ERN1: variants seen among roughly 807,000 people sequenced by gnomAD.
ERN1 encodes endoplasmic reticulum to nucleus signaling 1.
ERN1 carries 39 observed loss-of-function variants against 113.1 expected under a neutral mutation model. The ratio of observed to expected loss-of-function variants is 0.34; its 90% CI spans 0.27 to 0.45. The LOEUF (loss-of-function observed/expected upper bound fraction) is 0.45. Among genes scored for constraint, ERN1 ranks in the 20% least tolerant of loss-of-function variants. The pLI, the probability that ERN1 is intolerant of heterozygous loss-of-function variation, is 1.00. For synonymous variants in ERN1, 507 were observed against 515.9 expected (o/e 0.98, Z 0.23); for missense variants, 976 against 1,274.8 (o/e 0.77, Z 3.57).
At chr17:64,080,751 T>C in intron 3 of ERN1, 24 bp downstream of exon 3, 5 of 1,605,280 alleles carry the variant, frequency 3.1e-6, no homozygotes. Context: ...TAAAGGGAAG[T>C]ACTGAGCGAA....
intron 1 of ERN1, chr17:64,102,571 T>G: frequency 1.2e-6 from 1 of 819,194 alleles, no homozygotes; most frequent in East Asian, 1.2e-4. Flanking sequence ...TTTAAAAGCA[T>G]GAACATGCCT....
chr17:64,114,141 A>G (rs1232096974), intron 1 of ERN1, among the ~76,000 whole-genome samples: 2 of 151,998 alleles, frequency 1.3e-5, no homozygotes, highest in East Asian at 3.8e-4. Context: ...AACGGGCCTA[A>G]TATACAGTAA....
chr17:64,102,435 G>A (rs531206082), intron 1 of ERN1, among the ~76,000 whole-genome samples: 1 of 152,276 alleles, frequency 6.6e-6, no homozygotes, highest in African/African-American at 2.4e-5. Flanking sequence ...TATTACAACT[G>A]GCAGGTTCTT....
rs1415896061 is a variant in ERN1, at chr17:64,119,381, T to G, written c.54+10595A>C. 8.5e-4 allele frequency among the ~76,000 whole-genome samples: 102 copies of G among 119,492 alleles called. 4 individuals are homozygous for G. The highest frequency in any genetic ancestry group is 3.1e-3 in the African/African-American group (69 of 22,222). The allele number at this position is 119,492 out of a possible 152,430, so 78.4% of individuals were successfully genotyped here. A position where few individuals can be genotyped will look rare whatever the true frequency, so the allele number is the denominator to read the frequency against. ...TTAGGTTCCTTTTTTTCTAGGTTTT[T>G]TTTTTTTTTTTTTTTTTTTTTTTTG... On this transcript the variant is annotated intron_variant, in intron 1 of 21. Coordinates refer to ENST00000433197, the MANE Select transcript of ERN1 (RefSeq NM_001433.5).
intron 8 of ERN1, among the ~76,000 whole-genome samples, chr17:64,065,946 C>T (rs905671484): frequency 4.6e-5 from 7 of 152,162 alleles, no homozygotes; most frequent in Admixed American, 2.6e-4. Flanking sequence ...TCATCCACTA[C>T]ATTATCTAAA....
intron 2 of ERN1, among the ~76,000 whole-genome samples, chr17:64,082,295 T>A (rs1252241765): frequency 6.6e-6 from 1 of 152,090 alleles, no homozygotes; most frequent in South Asian, 2.1e-4. Context: ...AGTAAGCACA[T>A]GTTTATCTTT....
At position 64,044,713 on chromosome 17, in the gene ERN1, A is replaced by G; in HGVS notation, c.2721+147T>C. 1 of 619,690 alleles carries G rather than the reference A, an allele frequency of 1.6e-6. No individual in the cohort carries two copies. The highest frequency in any genetic ancestry group is 2.8e-5 in the East Asian group (1 of 35,334). 38.4% of individuals were successfully genotyped at this position (619,690 alleles called of 1,614,324 possible). A position where few individuals can be genotyped will look rare whatever the true frequency, so the allele number is the denominator to read the frequency against. On this transcript the variant is annotated intron_variant, in intron 21 of 21. Transcript: ENST00000433197. The surrounding 1 kb of genome is among the most constrained non-coding windows in gnomAD (Gnocchi z 4.1). ...CAGCGTAAGAGAGGCAACAGCCTGC[A>G]GTTTGCCAAGTCCAGCTGAAGCCGC... is the stretch of plus-strand genomic sequence containing the variant.
intron 1 of ERN1, 123 bp downstream of exon 1, chr17:64,129,853 G>C: frequency 7.6e-6 from 7 of 915,476 alleles, no homozygotes; most frequent in South Asian, 3.2e-5. Context: ...CTGGGCTCAC[G>C]GGGCATCTGG....
chr17:64,042,291 C>T lies in ERN1; in HGVS notation c.*1697G>A, dbSNP rs1598039897. 2.0e-5 allele frequency: 3 copies of T among 151,898 alleles called. No individual in the cohort carries two copies. Among genetic ancestry groups the T allele is most frequent in the South Asian group, 4.1e-4 (2 of 4,824 alleles). 9.4% of individuals were successfully genotyped at this position (151,898 alleles called of 1,614,324 possible). Reference sequence around the variant, plus strand: ...GGTTCCAAGGCCTAAGTGAGGTAATCGATGAGATTTAAGGATGTAGGATCA... The same window carrying T: ...GGTTCCAAGGCCTAAGTGAGGTAATTGATGAGATTTAAGGATGTAGGATCA... On this transcript the variant is annotated 3_prime_UTR_variant, in exon 22 of 22. Coordinates refer to ENST00000433197, the MANE Select transcript of ERN1 (RefSeq NM_001433.5).
chr17:64,062,097 A>G (rs1913072929), intron 10 of ERN1, among the ~76,000 whole-genome samples: 1 of 152,264 alleles, frequency 6.6e-6, no homozygotes, highest in Admixed American at 6.5e-5. Context: ...GGTCTCCTTG[A>G]TGTATTCATC....
intron 12 of ERN1, 106 bp from the exon 13 acceptor site, chr17:64,056,054 G>A (rs1014546501): frequency 1.4e-6 from 2 of 1,440,746 alleles, no homozygotes; most frequent in African/African-American, 2.9e-5. Flanking sequence ...TGTACTTTAT[G>A]TGACCCAACA....
At chr17:64,085,538 T>G (rs1300487164) in intron 2 of ERN1, among the ~76,000 whole-genome samples, 1 of 152,138 alleles carries the variant, frequency 6.6e-6, no homozygotes, top group Non-Finnish European at 1.5e-5. Context: ...CCTCCATCAC[T>G]GGGAATCAAA....
rs752509828 is a variant in ERN1, at chr17:64,098,323, A to G, written c.55-82T>C. The G allele has an allele frequency of 3.9e-6, 6 of 1,520,204 alleles. No homozygotes were observed. The East Asian group carries it at 1.1e-4, about 29-fold the overall frequency. 94.2% of individuals were successfully genotyped at this position (1,520,204 alleles called of 1,614,324 possible). Reference sequence around the variant, plus strand: ...TACAATCACAGACCCCCCACTCCCAAGGTTATCCTACTAAAACCCTCCATT... The same window carrying G: ...TACAATCACAGACCCCCCACTCCCAGGGTTATCCTACTAAAACCCTCCATT... On this transcript the variant is annotated intron_variant, in intron 1 of 21. Coordinates refer to ENST00000433197, the MANE Select transcript of ERN1 (RefSeq NM_001433.5).
intron 1 of ERN1, among the ~76,000 whole-genome samples, chr17:64,113,282 T>C (rs759816927): frequency 4.6e-5 from 7 of 152,200 alleles, no homozygotes; most frequent in Admixed American, 1.3e-4. Flanking sequence ...CATATTGCCA[T>C]TGAATGAGAT....
Position 64,089,546 on chromosome 17 carries a change from A to C in ERN1, c.175+8575T>G, listed in dbSNP as rs553527910. On this transcript the variant is annotated intron_variant, in intron 2 of 21. Coordinates refer to ENST00000433197, the MANE Select transcript of ERN1 (RefSeq NM_001433.5). ...AAACCTAAAAAAATCCAAAATCAGA[A>C]ACACTTCAGGTCCCAAGCATTTCGG... Among the ~76,000 whole-genome samples the C allele has an allele frequency of 2.4e-4, 36 of 152,236 alleles. No homozygotes were observed. In the South Asian group the frequency reaches 7.5e-3, roughly 32 times the overall value.
intron 2 of ERN1, among the ~76,000 whole-genome samples, chr17:64,095,783 C>T (rs1385808048): frequency 6.6e-6 from 1 of 152,206 alleles, no homozygotes; most frequent in Non-Finnish European, 1.5e-5. Flanking sequence ...TACCTGGAAA[C>T]GCTAAGCTCC....
At chr17:64,118,457 A>T (rs1196840027) in intron 1 of ERN1, among the ~76,000 whole-genome samples, 1 of 152,204 alleles carries the variant, frequency 6.6e-6, no homozygotes, top group Admixed American at 6.5e-5. Flanking sequence ...GCCACTTGGG[A>T]TTTCCTTTAA....
intron 2 of ERN1, among the ~76,000 whole-genome samples, chr17:64,081,677 C>T (rs184230165): frequency 3.9e-5 from 6 of 152,330 alleles, no homozygotes; most frequent in African/African-American, 9.6e-5. Context: ...CAACTCCCCC[C>T]AACCTTTTCT....
chr17:64,106,773 GTCTCTTTC>G (rs1914543287), intron 1 of ERN1, among the ~76,000 whole-genome samples: 1 of 97,654 alleles, frequency 1.0e-5, no homozygotes, highest in Non-Finnish European at 2.3e-5. Context: ...CAAGCTCGCT[GTCTCTTTC>G]TCTCATAGGA....
Sources: allele counts gnomAD v4.1 joint callset (sites outside exome capture counted in the v4.1 genomes callset), GRCh38; gene constraint gnomAD v4.1.1; non-coding constraint Gnocchi (gnomAD v3.1); transcripts MANE v1.5; gene names NCBI Gene and HGNC (gene_info 2026-07-23, HGNC 2026-07-21).